RBPJ: variants seen among roughly 807,000 people sequenced by gnomAD.
The protein encoded by RBPJ is recombination signal binding protein for immunoglobulin kappa J region.
Under a neutral mutation model 67.8 loss-of-function variants are expected in RBPJ, and 9 were observed. The observed-to-expected ratio is 0.13, with a 90% CI of 0.08 to 0.23. The LOEUF (loss-of-function observed/expected upper bound fraction) is 0.23. Ranked by LOEUF, RBPJ falls within the 10% of genes least tolerant of loss-of-function variation. The pLI, the probability that RBPJ is intolerant of heterozygous loss-of-function variation, is 1.00. For synonymous variants in RBPJ, 198 were observed against 203.3 expected (o/e 0.97, Z 0.22); for missense variants, 305 against 595.6 (o/e 0.51, Z 5.08).
chr4:26,295,271 G>T (rs28617332), intron 1 of RBPJ, among the ~76,000 whole-genome samples: 89 of 117,946 alleles, frequency 7.5e-4, no homozygotes, highest in African/African-American at 3.9e-3. Flanking sequence ...TGTGTGTGTG[G>T]GTGTGTGTGT....
chr4:26,358,057 AATG>A (rs1727603489), intron 1 of RBPJ, among the ~76,000 whole-genome samples: 1 of 101,724 alleles, frequency 9.8e-6, no homozygotes, highest in Non-Finnish European at 2.2e-5. Flanking sequence ...GTGTGTATTT[AATG>A]ATCAGAGAGT....
At chr4:26,298,661 C>G (rs539178497) in intron 1 of RBPJ, among the ~76,000 whole-genome samples, 1 of 152,270 alleles carries the variant, frequency 6.6e-6, no homozygotes, top group East Asian at 1.9e-4. Context: ...TTCCTATAAA[C>G]TCAAGATCAA....
At chr4:26,163,462 T>C (rs1472100483) in exon 1 of RBPJ, 1 of 152,018 alleles carries the variant, frequency 6.6e-6, no homozygotes, top group Admixed American at 6.6e-5. Context: ...CTCTTCATTC[T>C]GACATTTTTA....
intron 1 of RBPJ, among the ~76,000 whole-genome samples, chr4:26,199,163 T>A (rs936060761): frequency 6.6e-6 from 1 of 152,142 alleles, no homozygotes; most frequent in Admixed American, 6.6e-5. Context: ...TTCCTGCCCT[T>A]GGCCGGACAC....
At chr4:26,156,799 G>A in the RBPJ span, among the ~76,000 whole-genome samples, 1 of 152,046 alleles carries the variant, frequency 6.6e-6, no homozygotes, top group Non-Finnish European at 1.5e-5. Flanking sequence ...GCCAGGCACA[G>A]TGGCTCATGC....
intron 2 of RBPJ, among the ~76,000 whole-genome samples, chr4:26,398,770 C>T (rs544344368): frequency 7.2e-4 from 109 of 152,278 alleles, no homozygotes; most frequent in African/African-American, 2.4e-3. Flanking sequence ...TCTGCCACCA[C>T]ACCCGGGTAA....
At chr4:26,302,012 C>G (rs367769155) in intron 1 of RBPJ, among the ~76,000 whole-genome samples, 2 of 152,080 alleles carry the variant, frequency 1.3e-5, no homozygotes, top group Admixed American at 1.3e-4. Context: ...AGGCTGGTCT[C>G]GAACTCCTGA....
intron 1 of RBPJ, among the ~76,000 whole-genome samples, chr4:26,345,248 AG>A (rs1004243764): frequency 4.6e-5 from 7 of 152,260 alleles, no homozygotes; most frequent in African/African-American, 4.8e-5. Context: ...AAAAAATATT[AG>A]GGGGCTAGAG....
intron 1 of RBPJ, among the ~76,000 whole-genome samples, chr4:26,244,413 A>ATATATGTATGCACATATGTGTACG (rs1560226556): frequency 7.2e-4 from 2 of 2,774 alleles, no homozygotes; most frequent in African/African-American, 7.6e-4. Flanking sequence ...ATGTGTGTAT[A>ATATATGTATGCACATATGTGTACG]CATATGTGTG....
chr4:26,133,204 C>T, the RBPJ span, among the ~76,000 whole-genome samples: 9 of 152,232 alleles, frequency 5.9e-5, no homozygotes, highest in Non-Finnish European at 1.0e-4. Flanking sequence ...ACTGTTTTCA[C>T]GTATGTCTGC....
intron 1 of RBPJ, among the ~76,000 whole-genome samples, chr4:26,293,965 C>T (rs1721762816): frequency 6.6e-6 from 1 of 152,126 alleles, no homozygotes. Context: ...ACCATGCTGG[C>T]CAAGCTGGTC....
chr4:26,144,678 C>G, the RBPJ span, among the ~76,000 whole-genome samples: 1 of 152,154 alleles, frequency 6.6e-6, no homozygotes, highest in African/African-American at 2.4e-5. Context: ...GCTTAGCCAC[C>G]CACACCCCAG....
the RBPJ span, among the ~76,000 whole-genome samples, chr4:26,107,203 A>G: frequency 6.6e-6 from 1 of 152,356 alleles, no homozygotes; most frequent in South Asian, 2.1e-4. Context: ...AAATAATTCA[A>G]ATAATGTTCA....
chr4:26,289,463 C>T (rs1433993300), intron 1 of RBPJ, among the ~76,000 whole-genome samples: 1 of 147,894 alleles, frequency 6.8e-6, no homozygotes, highest in African/African-American at 2.5e-5. Context: ...TATTACAACA[C>T]TTGGCAATAA....
chr4:26,221,228 C>A (rs2109191167), intron 1 of RBPJ, among the ~76,000 whole-genome samples: 1 of 152,164 alleles, frequency 6.6e-6, no homozygotes, highest in African/African-American at 2.4e-5. Context: ...GTAGCTGGGA[C>A]TACAGGCGCC....
intron 1 of RBPJ, among the ~76,000 whole-genome samples, chr4:26,273,392 C>T (rs16878233): frequency 0.12 from 17,963 of 152,264 alleles, 1,590 homozygotes; most frequent in African/African-American, 0.25. Context: ...TCCAAGCTCC[C>T]AGTTTTCCAA....
chr4:26,387,579 A>T (rs1236954401), intron 2 of RBPJ, among the ~76,000 whole-genome samples: 4 of 152,184 alleles, frequency 2.6e-5, no homozygotes, highest in African/African-American at 9.7e-5. Flanking sequence ...ATTCCTGAGA[A>T]ACTGGGAGTC....
chr4:26,126,849 G>A, the RBPJ span, among the ~76,000 whole-genome samples: 2 of 152,164 alleles, frequency 1.3e-5, no homozygotes, highest in Non-Finnish European at 2.9e-5. Flanking sequence ...AGAACCATAT[G>A]GACAGTGGAA....
At chr4:26,269,295 G>A (rs927261552) in intron 1 of RBPJ, among the ~76,000 whole-genome samples, 1 of 150,706 alleles carries the variant, frequency 6.6e-6, no homozygotes, top group South Asian at 2.1e-4. Context: ...TCGCTCCATC[G>A]TCCAGGCTAG....
Sources: allele counts gnomAD v4.1 joint callset (sites outside exome capture counted in the v4.1 genomes callset), GRCh38; gene constraint gnomAD v4.1.1; transcripts MANE v1.5; gene names NCBI Gene and HGNC (gene_info 2026-07-23, HGNC 2026-07-21).